The following NPAS3 variants were observed in gnomAD, a reference collection of about 807,000 sequenced individuals.
NPAS3 encodes the protein neuronal PAS domain protein 3, also known as neuronal PAS domain-containing protein 3.
In NPAS3, 14 loss-of-function variants were observed where a neutral mutation model predicts 73.1. The ratio of observed to expected loss-of-function variants is 0.19; its 90% confidence interval spans 0.13 to 0.30. The LOEUF (loss-of-function observed/expected upper bound fraction) is 0.30, where lower values mean the gene tolerates loss of function less well. Ranked by LOEUF, NPAS3 falls within the 10% of genes least tolerant of loss-of-function variation. NPAS3 has a pLI of 1.00. For missense variants in NPAS3, 1,096 were observed against 1,250.0 expected (o/e 0.88, Z 1.86); for synonymous variants, 620 against 541.5 (o/e 1.14, Z -2.01).
At chr14:32,964,768 G>C (rs1466595511) in intron 1 of NPAS3, among the ~76,000 whole-genome samples, 2 of 151,854 alleles carry the variant, frequency 1.3e-5, no homozygotes, top group African/African-American at 2.4e-5. Context: ...CCTGAAGCTG[G>C]GTTCAAGACC....
intron 2 of NPAS3, among the ~76,000 whole-genome samples, chr14:33,173,265 A>T (rs2045462779): frequency 6.6e-6 from 1 of 152,212 alleles, no homozygotes; most frequent in Non-Finnish European, 1.5e-5. Flanking sequence ...TTATGTGCCA[A>T]GTTATGAACT....
At chr14:33,717,345 G>C (rs528800598) in intron 6 of NPAS3, among the ~76,000 whole-genome samples, 4 of 151,620 alleles carry the variant, frequency 2.6e-5, no homozygotes, top group Admixed American at 2.6e-4. Flanking sequence ...TTCTTTCTGA[G>C]AAGGGGCAAG....
At chr14:33,341,831 G>A (rs1250531498) in intron 3 of NPAS3, among the ~76,000 whole-genome samples, 2 of 152,174 alleles carry the variant, frequency 1.3e-5, no homozygotes, top group African/African-American at 4.8e-5. Context: ...GGAGAGATTA[G>A]AAGGGTTCAT....
intron 3 of NPAS3, among the ~76,000 whole-genome samples, chr14:33,237,911 A>G (rs1227354962): frequency 6.6e-6 from 1 of 151,678 alleles, no homozygotes; most frequent in Non-Finnish European, 1.5e-5. Context: ...CAATATATTT[A>G]TATATATTTA....
intron 5 of NPAS3, among the ~76,000 whole-genome samples, chr14:33,666,853 A>G (rs1380625616): frequency 6.6e-6 from 1 of 152,154 alleles, no homozygotes; most frequent in African/African-American, 2.4e-5. Flanking sequence ...TTCCATAGAC[A>G]TTTCTTTATT....
chr14:33,097,058 T>G (rs910583228), intron 2 of NPAS3, among the ~76,000 whole-genome samples: 2 of 128,426 alleles, frequency 1.6e-5, no homozygotes, highest in African/African-American at 2.5e-5. Flanking sequence ...TTGCCACTCT[T>G]TGTGCAATTT....
chr14:32,939,458 C>T (rs867801990), intron 1 of NPAS3, 92 bp downstream of exon 1: 2 of 354,630 alleles, frequency 5.6e-6, no homozygotes, highest in Non-Finnish European at 1.0e-5. Flanking sequence ...GCAGCCCGCC[C>T]GCCTCCTGGG....
At chr14:33,609,868 G>C (rs1396544888) in intron 5 of NPAS3, among the ~76,000 whole-genome samples, 2 of 152,160 alleles carry the variant, frequency 1.3e-5, no homozygotes, top group Admixed American at 6.5e-5. Context: ...TCATCCCCCA[G>C]ATGTCCTAAT....
chr14:33,797,697 A>T (rs1236518994), intron 11 of NPAS3, 116 bp downstream of exon 11: 2 of 973,346 alleles, frequency 2.1e-6, no homozygotes, highest in Non-Finnish European at 3.1e-6. Flanking sequence ...TTTCAGAGAG[A>T]CATATGTCAC....
intron 5 of NPAS3, among the ~76,000 whole-genome samples, chr14:33,673,564 A>C (rs1485195023): frequency 2.6e-5 from 4 of 152,196 alleles, no homozygotes; most frequent in Non-Finnish European, 5.9e-5. Context: ...ACAACAAGAC[A>C]TGTTTGCGGT....
chr14:33,305,871 ACTT>A (rs2042735054), intron 3 of NPAS3, among the ~76,000 whole-genome samples: 1 of 152,192 alleles, frequency 6.6e-6, no homozygotes, highest in Admixed American at 6.5e-5. Flanking sequence ...AACTTTTACC[ACTT>A]CTTCTATGCC....
At chr14:32,990,654 G>A (rs574365968) in intron 1 of NPAS3, among the ~76,000 whole-genome samples, 1 of 152,162 alleles carries the variant, frequency 6.6e-6, no homozygotes, top group African/African-American at 2.4e-5. Context: ...GGCCAGGTAC[G>A]GTAGTTCACA....
chr14:33,365,201 CAAAAAAA>C (rs371230319), intron 3 of NPAS3, among the ~76,000 whole-genome samples: 5 of 45,070 alleles, frequency 1.1e-4, no homozygotes, highest in Admixed American at 4.0e-4. Flanking sequence ...CCCATAATCT[CAAAAAAA>C]AAAAAAAAAA....
At chr14:33,448,217 A>G (rs1202061328) in intron 4 of NPAS3, among the ~76,000 whole-genome samples, 1 of 152,182 alleles carries the variant, frequency 6.6e-6, no homozygotes, top group Admixed American at 6.5e-5. Flanking sequence ...CATCATTTGA[A>G]TTTGTGTAGG....
intron 3 of NPAS3, among the ~76,000 whole-genome samples, chr14:33,366,904 A>G (rs567830205): frequency 1.4e-3 from 213 of 152,262 alleles, no homozygotes; most frequent in Non-Finnish European, 1.7e-3. Context: ...GAACATTCAT[A>G]TGTTTTTATT....
intron 3 of NPAS3, among the ~76,000 whole-genome samples, chr14:33,294,982 T>C (rs551335112): frequency 1.1e-4 from 16 of 152,252 alleles, no homozygotes; most frequent in African/African-American, 3.8e-4. Context: ...GCAGTGAAAT[T>C]TGAACTCTTG....
intron 4 of NPAS3, among the ~76,000 whole-genome samples, chr14:33,435,777 T>G (rs1366167626): frequency 6.6e-6 from 1 of 152,244 alleles, no homozygotes; most frequent in Non-Finnish European, 1.5e-5. Context: ...TCCCTTTCGA[T>G]GTACATAGTG....
intron 5 of NPAS3, among the ~76,000 whole-genome samples, chr14:33,599,023 AAG>A (rs2057325336): frequency 6.6e-6 from 1 of 152,214 alleles, no homozygotes; most frequent in African/African-American, 2.4e-5. Context: ...TCACCAACAG[AAG>A]AGAGTGCATT....
chr14:33,002,960 G>T (rs1378745603), intron 1 of NPAS3, among the ~76,000 whole-genome samples: 3 of 152,108 alleles, frequency 2.0e-5, no homozygotes, highest in African/African-American at 7.2e-5. Context: ...TGTGAGTTAG[G>T]CTAGAGCATC....
Sources: allele counts gnomAD v4.1 joint callset (sites outside exome capture counted in the v4.1 genomes callset), GRCh38; gene constraint gnomAD v4.1.1; transcripts MANE v1.5; gene names NCBI Gene and HGNC (gene_info 2026-07-23, HGNC 2026-07-21).